The following CTBP2 variants were observed in gnomAD, a reference collection of about 807,000 sequenced individuals.
The protein encoded by CTBP2 is C-terminal binding protein 2, also known as C-terminal-binding protein 2.
In CTBP2, 30 loss-of-function variants were observed where a neutral mutation model predicts 80.3. The ratio of observed to expected loss-of-function variants is 0.37; its 90% CI spans 0.28 to 0.51. The LOEUF (loss-of-function observed/expected upper bound fraction) is 0.51. Ranked by LOEUF, CTBP2 falls within the 20% of genes least tolerant of loss-of-function variation. The pLI, the probability that CTBP2 is intolerant of heterozygous loss-of-function variation, is 0.93. For synonymous variants in CTBP2, 594 were observed against 587.4 expected, an observed-to-expected ratio of 1.01 and a Z score of -0.16; for missense variants, 1,212 against 1,375.3, an observed-to-expected ratio of 0.88 and a Z score of 1.88.
chr10:124,987,364 A>T lies in CTBP2; in HGVS notation c.*2154T>A, dbSNP rs999428577. 5 of 151,056 alleles carry T rather than the reference A, an allele frequency of 3.3e-5. No individual in the cohort carries two copies. Among genetic ancestry groups the T allele is most frequent in the African/African-American group, 1.2e-4 (5 of 41,142 alleles). 9.4% of individuals were successfully genotyped at this position (151,056 alleles called of 1,614,324 possible). Reference sequence around the variant, plus strand: ...CTTGTTCTTCCTTGGGGTCAAATTTATATATATATATATAAATTTTTGTTT... The same window carrying T: ...CTTGTTCTTCCTTGGGGTCAAATTTTTATATATATATATAAATTTTTGTTT... On this transcript the variant is annotated 3_prime_UTR_variant, in exon 9 of 9. Transcript: ENST00000309035.
At chr10:125,107,183 G>A (rs1056310382) in intron 2 of CTBP2, among the ~76,000 whole-genome samples, 3 of 152,204 alleles carry the variant, frequency 2.0e-5, no homozygotes, top group Non-Finnish European at 4.4e-5. Context: ...CTAAAGCTTC[G>A]CTGGCATCTT....
In CTBP2 at chr10:125,053,675, C is replaced by T. The variant is rs142194495; in HGVS notation, c.-101-14520G>A. Among the ~76,000 whole-genome samples, 88 of 152,192 alleles carry T rather than the reference C, an allele frequency of 5.8e-4. 1 individual carries two copies. The South Asian group carries it at 6.4e-3, about 11-fold the overall frequency. ...TCAGAGACAGCACTTCAGATGATGCCGGGGTGAACATCTCAGACACGCTCC... is the reference window on the plus strand; with the variant it reads ...TCAGAGACAGCACTTCAGATGATGCTGGGGTGAACATCTCAGACACGCTCC... On this transcript the variant is annotated intron_variant, in intron 2 of 10. Transcript: ENST00000337195.
chr10:125,051,946 C>A (rs1447599480), intron 2 of CTBP2, among the ~76,000 whole-genome samples: 1 of 152,182 alleles, frequency 6.6e-6, no homozygotes, highest in Non-Finnish European at 1.5e-5. Context: ...GCTACGGAGA[C>A]AGGGCTTCTC....
chr10:125,080,295 A>AC (rs941534078), intron 2 of CTBP2, among the ~76,000 whole-genome samples: 6 of 151,230 alleles, frequency 4.0e-5, no homozygotes, highest in African/African-American at 9.7e-5. Context: ...GTAAAAAAAA[A>AC]ACACACACCC....
At position 125,026,581 on chromosome 10, in the gene CTBP2, C is replaced by T; in HGVS notation, c.1179G>A (p.Gln393=). 2 of 1,530,284 alleles carry T rather than the reference C, an allele frequency of 1.3e-6. No homozygotes were observed. The highest frequency in any genetic ancestry group is 1.8e-6 in the Non-Finnish European group (2 of 1,140,140). 94.8% of individuals were successfully genotyped at this position (1,530,284 alleles called of 1,614,324 possible). A position where few individuals can be genotyped will look rare whatever the true frequency, so the allele number is the denominator to read the frequency against. The change falls in exon 1 of 9, where the codon CAG becomes CAA. Residue 393 remains glutamine (Q), a synonymous_variant. Coordinates refer to ENST00000309035, the MANE Select transcript of CTBP2 (RefSeq NM_022802.3). ...GGTCTCCAGCTCGGGGGGATGCTGT[C>T]TGCAGAGGAGCCGCAGCGCCCAGAG...
intron 2 of CTBP2, among the ~76,000 whole-genome samples, chr10:125,101,045 G>C (rs149729988): frequency 1.2e-3 from 187 of 152,304 alleles, no homozygotes; most frequent in Non-Finnish European, 2.4e-3. Context: ...CTTGAGAAAA[G>C]ATTACACGAT....
chr10:125,000,811 C>G (rs1173751930), intron 3 of CTBP2: 1 of 152,328 alleles, frequency 6.6e-6, no homozygotes, highest in African/African-American at 2.4e-5. Context: ...GCTCCCAGCC[C>G]TCAGCACAAA....
At position 124,986,322 on chromosome 10, in the gene CTBP2, C is replaced by CACACACAG. The variant is rs1491004823; in HGVS notation, c.*3195_*3196insCTGTGTGT. 1 of 152,102 alleles carries CACACACAG rather than the reference C, an allele frequency of 6.6e-6. No individual in the cohort carries two copies. The highest frequency in any genetic ancestry group is 1.5e-5 in the Non-Finnish European group (1 of 67,994). The allele number at this position is 152,102 out of a possible 1,614,324, so 9.4% of individuals were successfully genotyped here. The stretch of plus-strand genomic sequence containing the variant: ...ACACACACACACACACACACACACA[C>CACACACAG]AGTTTTTTCCTTCCCTGTGATGAAA... On this transcript the variant is annotated 3_prime_UTR_variant, in exon 9 of 9. Coordinates refer to ENST00000309035, the MANE Select transcript of CTBP2 (RefSeq NM_022802.3).
rs571002698 is a variant in CTBP2, at chr10:125,074,583, T to G, written c.-101-35428A>C. ...CTGGTCTCAAACTCCTGACTTCAGG[T>G]GATCCGCCCGCCTCGGCCTCCCAAA... is the stretch of plus-strand genomic sequence containing the variant. On this transcript the variant is annotated intron_variant, in intron 2 of 10. Transcript: ENST00000337195. 3.3e-3 allele frequency among the ~76,000 whole-genome samples: 497 copies of G among 152,278 alleles called. 3 individuals are homozygous for G. The highest frequency in any genetic ancestry group is 0.011 in the African/African-American group (442 of 41,556).
chr10:124,992,409 T>C (rs1035335468), intron 8 of CTBP2, among the ~76,000 whole-genome samples: 22 of 152,010 alleles, frequency 1.4e-4, no homozygotes, highest in African/African-American at 5.3e-4. Flanking sequence ...TGGGAAGCCT[T>C]CTGGTTTTAA....
chr10:124,993,445 T>A (rs1952994453), intron 6 of CTBP2, 116 bp from the exon 9 acceptor site: 2 of 1,136,610 alleles, frequency 1.8e-6, no homozygotes, highest in African/African-American at 3.1e-5. Flanking sequence ...ATAGCATGGA[T>A]ACAGGAACAT....
At position 125,012,357 on chromosome 10, in the gene CTBP2, G is replaced by T. The variant is rs1956029146; in HGVS notation, c.1679-8865C>A. Among the ~76,000 whole-genome samples, 3 of 152,240 alleles carry T rather than the reference G, an allele frequency of 2.0e-5. No individual in the cohort carries two copies. The South Asian group carries it at 6.2e-4, about 31-fold the overall frequency. On this transcript the variant is annotated intron_variant, in intron 1 of 8. Coordinates refer to ENST00000309035, the MANE Select transcript of CTBP2 (RefSeq NM_022802.3). Reference sequence around the variant, plus strand: ...GCTTCCCAACACGGGGACGGTCCCTGCAGGGACGGGTGGTCAGGATCTCAT... The same window carrying T: ...GCTTCCCAACACGGGGACGGTCCCTTCAGGGACGGGTGGTCAGGATCTCAT...
intron 1 of CTBP2, among the ~76,000 whole-genome samples, chr10:125,112,716 A>G (rs1852516815): frequency 6.6e-6 from 1 of 152,120 alleles, no homozygotes; most frequent in African/African-American, 2.4e-5. Flanking sequence ...ATGAGCCACC[A>G]TGCCCAGCCA....
In CTBP2 at chr10:125,048,059, C is replaced by T. The variant is rs1350717482; in HGVS notation, c.-101-8904G>A. Among the ~76,000 whole-genome samples the T allele has an allele frequency of 2.0e-5, 3 of 152,202 alleles. No individual in the cohort carries two copies. The East Asian group carries it at 5.8e-4, about 30-fold the overall frequency. The stretch of plus-strand genomic sequence containing the variant: ...GGGAACCCAACTGGCCTTCTGAGAT[C>T]CCAGCCCACTCATCTCTTGACACCG... On this transcript the variant is annotated intron_variant, in intron 2 of 10. Coordinates refer to the CTBP2 transcript ENST00000337195.
chr10:125,124,332 G>A (rs559479419), intron 1 of CTBP2, among the ~76,000 whole-genome samples: 251 of 152,232 alleles, frequency 1.6e-3, no homozygotes, highest in Non-Finnish European at 2.7e-3. Context: ...TAGCACTCCC[G>A]GTAACTCCCC....
intron 1 of CTBP2, among the ~76,000 whole-genome samples, chr10:125,115,326 T>C (rs80306589): frequency 0.012 from 1,854 of 152,340 alleles, 13 homozygotes; most frequent in Non-Finnish European, 0.018. Context: ...TCACGTTTAC[T>C]GCTAAAAAGA....
chr10:125,048,191 C>A (rs1245629170), intron 2 of CTBP2, among the ~76,000 whole-genome samples: 2 of 152,080 alleles, frequency 1.3e-5, no homozygotes, highest in African/African-American at 4.8e-5. Context: ...TGCAGCCCTT[C>A]CTGGGAGCTG....
intron 1 of CTBP2, among the ~76,000 whole-genome samples, chr10:125,005,113 T>C: frequency 6.6e-6 from 1 of 152,180 alleles, no homozygotes; most frequent in East Asian, 1.9e-4. Context: ...CTATACACGG[T>C]GCTGGGGAGG....
chr10:125,093,671 T>C (rs1849116006), intron 2 of CTBP2, among the ~76,000 whole-genome samples: 1 of 152,204 alleles, frequency 6.6e-6, no homozygotes, highest in Admixed American at 6.5e-5. Flanking sequence ...GATAATTCCT[T>C]GCCTTGGGGA....
Sources: gnomAD v4.1 joint callset for allele counts (sites outside exome capture counted in the v4.1 genomes callset) on GRCh38, gnomAD v4.1.1 for gene constraint, MANE v1.5 for transcripts, NCBI Gene and HGNC (gene_info 2026-07-23, HGNC 2026-07-21) for gene names.